The following CAMK1D variants were observed in gnomAD, a reference collection of about 807,000 sequenced individuals.
CAMK1D encodes calcium/calmodulin dependent protein kinase ID, also known as calcium/calmodulin-dependent protein kinase type 1D.
A neutral mutation model predicts 47.7 loss-of-function variants in CAMK1D; 9 were observed. The observed-to-expected ratio is 0.19, with a 90% CI of 0.11 to 0.33. The LOEUF (loss-of-function observed/expected upper bound fraction) is 0.33, where lower values mean the gene tolerates loss of function less well. Ranked by LOEUF, CAMK1D falls within the 10% of genes least tolerant of loss-of-function variation. The pLI, the probability that CAMK1D is intolerant of heterozygous loss-of-function variation, is 1.00. For synonymous variants in CAMK1D, 184 were observed against 184.9 expected (o/e 0.99, Z 0.04); for missense variants, 291 against 488.7 (o/e 0.60, Z 3.81).
At chr10:12,816,384 C>T (rs545458158) in intron 8 of CAMK1D, 56 bp downstream of exon 8, 153 of 1,357,854 alleles carry the variant, frequency 1.1e-4, no homozygotes, top group South Asian at 4.8e-4. Flanking sequence ...CTGGGGGGGG[C>T]ACGAAACTTC....
intron 6 of CAMK1D, among the ~76,000 whole-genome samples, chr10:12,806,908 CA>C (rs1461556383): frequency 6.6e-6 from 1 of 152,200 alleles, no homozygotes; most frequent in Non-Finnish European, 1.5e-5. Flanking sequence ...CTGGCTAGAT[CA>C]ACACCTGTCT....
At chr10:12,615,524 CGG>C (rs1455769744) in intron 2 of CAMK1D, among the ~76,000 whole-genome samples, 1 of 143,354 alleles carries the variant, frequency 7.0e-6, no homozygotes, top group Non-Finnish European at 1.5e-5. Context: ...GTGTGTATAT[CGG>C]TGTGTGTGCA....
chr10:12,510,709 C>A (rs563710796), intron 1 of CAMK1D, among the ~76,000 whole-genome samples: 1 of 152,192 alleles, frequency 6.6e-6, no homozygotes. Context: ...ATTCTGGCCA[C>A]TCCTGAATGA....
chr10:12,771,864 T>A (rs1837054212), intron 5 of CAMK1D, among the ~76,000 whole-genome samples: 1 of 152,020 alleles, frequency 6.6e-6, no homozygotes. Context: ...CAAAACCCCA[T>A]CTCTACTAAA....
At chr10:12,551,774 A>C (rs1469637920) in intron 1 of CAMK1D, among the ~76,000 whole-genome samples, 1 of 152,158 alleles carries the variant, frequency 6.6e-6, no homozygotes, top group Non-Finnish European at 1.5e-5. Context: ...AATGTAATGC[A>C]CTTGAGTCAT....
At chr10:12,526,167 C>T (rs2815646) in intron 1 of CAMK1D, among the ~76,000 whole-genome samples, 82,660 of 152,122 alleles carry the variant, frequency 0.54, 22,599 homozygotes, top group South Asian at 0.68. Flanking sequence ...AAGCAGACAG[C>T]CAAGCAAATC....
chr10:12,644,933 A>G (rs1219114250), intron 2 of CAMK1D, among the ~76,000 whole-genome samples: 2 of 152,170 alleles, frequency 1.3e-5, no homozygotes, highest in African/African-American at 4.8e-5. Context: ...ATAGATGACT[A>G]ATATACAGAA....
intron 1 of CAMK1D, among the ~76,000 whole-genome samples, chr10:12,367,108 A>G (rs1432659640): frequency 6.6e-6 from 1 of 152,176 alleles, no homozygotes; most frequent in Admixed American, 6.6e-5. Flanking sequence ...AGAGCTAATT[A>G]TACTTGTGAG....
intron 3 of CAMK1D, among the ~76,000 whole-genome samples, chr10:12,750,674 AATGAATGAATGAATGAATG>A (rs1471676293): frequency 1.3e-5 from 2 of 152,108 alleles, no homozygotes; most frequent in African/African-American, 4.8e-5. Context: ...GTCAAGAATG[AATGAATGAATGAATGAATG>A]ATGAATGAAT....
chr10:12,828,339 TA>T (rs1833329381), intron 10 of CAMK1D, among the ~76,000 whole-genome samples: 1 of 146,054 alleles, frequency 6.8e-6, no homozygotes, highest in South Asian at 2.3e-4. Flanking sequence ...GTCACACGGG[TA>T]AAAATTTGGG....
intron 1 of CAMK1D, among the ~76,000 whole-genome samples, chr10:12,358,305 A>T (rs1837572226): frequency 1.3e-5 from 2 of 152,216 alleles, no homozygotes; most frequent in Admixed American, 1.3e-4. Flanking sequence ...TGGGAGGCTG[A>T]GGCGAGTGGA....
At chr10:12,679,862 C>A (rs992902854) in intron 3 of CAMK1D, among the ~76,000 whole-genome samples, 2 of 152,180 alleles carry the variant, frequency 1.3e-5, no homozygotes, top group African/African-American at 4.8e-5. Context: ...ATCATCCTCT[C>A]CTCAAGGGTG....
At chr10:12,694,624 A>G (rs1833184226) in intron 3 of CAMK1D, among the ~76,000 whole-genome samples, 1 of 141,922 alleles carries the variant, frequency 7.0e-6, no homozygotes, top group South Asian at 2.1e-4. Context: ...TATAATATAT[A>G]TTAAAATATA....
chr10:12,737,259 T>C (rs1835230279), intron 3 of CAMK1D, among the ~76,000 whole-genome samples: 1 of 152,124 alleles, frequency 6.6e-6, no homozygotes. Context: ...ACTCTCTTTC[T>C]ACTGGCCAGG....
chr10:12,629,981 G>T (rs908357539), intron 2 of CAMK1D, among the ~76,000 whole-genome samples: 6 of 152,218 alleles, frequency 3.9e-5, no homozygotes, highest in African/African-American at 1.4e-4. Context: ...AGCTCTCTGA[G>T]AGATGGTCTG....
chr10:12,701,090 G>A (rs1833499339), intron 3 of CAMK1D, among the ~76,000 whole-genome samples: 1 of 151,262 alleles, frequency 6.6e-6, no homozygotes, highest in Non-Finnish European at 1.5e-5. Context: ...CCACTTTTAA[G>A]TTGCCCATAG....
intron 2 of CAMK1D, among the ~76,000 whole-genome samples, chr10:12,626,896 A>G (rs1171107427): frequency 1.3e-5 from 2 of 152,210 alleles, no homozygotes; most frequent in African/African-American, 4.8e-5. Context: ...TCACACAGAC[A>G]CACGCAAATA....
At chr10:12,736,012 G>A (rs1462836999) in intron 3 of CAMK1D, among the ~76,000 whole-genome samples, 1 of 152,206 alleles carries the variant, frequency 6.6e-6, no homozygotes, top group Non-Finnish European at 1.5e-5. Context: ...ACTTGGCACT[G>A]GCTGCAAGGC....
At chr10:12,466,299 T>C (rs1235229011) in intron 1 of CAMK1D, among the ~76,000 whole-genome samples, 1 of 152,128 alleles carries the variant, frequency 6.6e-6, no homozygotes, top group Non-Finnish European at 1.5e-5. Context: ...TCCCAGCTGC[T>C]TGGGAGGCTG....
Sources: allele counts gnomAD v4.1 joint callset (sites outside exome capture counted in the v4.1 genomes callset), GRCh38; gene constraint gnomAD v4.1.1; transcripts MANE v1.5; gene names NCBI Gene and HGNC (gene_info 2026-07-23, HGNC 2026-07-21).